The following SCFD2 variants were observed in gnomAD, a reference collection of about 807,000 sequenced individuals.
SCFD2 encodes the protein sec1 family domain-containing protein 2.
SCFD2 carries 54 observed loss-of-function variants against 58.9 expected under a neutral mutation model. That is an observed-to-expected ratio of 0.92 (90% CI 0.74 to 1.15). The LOEUF (loss-of-function observed/expected upper bound fraction) is 1.15. Ranked by LOEUF, SCFD2 falls within the 50% of genes most tolerant of loss-of-function variation. The pLI is 0.00. For synonymous variants in SCFD2, 321 were observed against 335.9 expected, an observed-to-expected ratio of 0.96 and a Z score of 0.49; for missense variants, 805 against 836.6, an observed-to-expected ratio of 0.96 and a Z score of 0.47.
intron 5 of SCFD2, among the ~76,000 whole-genome samples, chr4:52,961,570 C>G (rs926402438): frequency 6.6e-6 from 1 of 152,144 alleles, no homozygotes; most frequent in Non-Finnish European, 1.5e-5. Context: ...AACCAGCCTC[C>G]CTGGTTGATG....
In SCFD2 at chr4:53,043,262, C is replaced by G. The variant is rs1466229073; in HGVS notation, c.1561+102071G>C. On this transcript the variant is annotated intron_variant, in intron 5 of 8. Coordinates refer to ENST00000401642, the MANE Select transcript of SCFD2 (RefSeq NM_152540.4). ...AATCTGATGAAGCCCACGTCAGTGACAAGTGAAAGAAAAGGGATGGCATTG... is the reference window on the plus strand; with the variant it reads ...AATCTGATGAAGCCCACGTCAGTGAGAAGTGAAAGAAAAGGGATGGCATTG... 7.2e-5 allele frequency among the ~76,000 whole-genome samples: 11 copies of G among 151,956 alleles called. No homozygotes were observed. In the East Asian group the frequency reaches 2.1e-3, roughly 29 times the overall value.
intron 4 of SCFD2, among the ~76,000 whole-genome samples, chr4:53,191,987 T>C (rs552367844): frequency 6.6e-6 from 1 of 152,286 alleles, no homozygotes; most frequent in Admixed American, 6.5e-5. Flanking sequence ...AACAGTAATA[T>C]TAACATTTAA....
chr4:52,926,339 C>A (rs568805353), intron 5 of SCFD2, among the ~76,000 whole-genome samples: 3 of 152,084 alleles, frequency 2.0e-5, no homozygotes, highest in African/African-American at 7.2e-5. Context: ...AGTCTGGATT[C>A]GAGCTGAAGT....
At chr4:53,189,787 T>C (rs1727841558) in intron 4 of SCFD2, among the ~76,000 whole-genome samples, 1 of 152,190 alleles carries the variant, frequency 6.6e-6, no homozygotes, top group Non-Finnish European at 1.5e-5. Context: ...GGTTACTCTA[T>C]GCTACCTCCA....
chr4:52,927,904 T>G (rs756666469), intron 5 of SCFD2, among the ~76,000 whole-genome samples: 6 of 152,248 alleles, frequency 3.9e-5, no homozygotes, highest in Non-Finnish European at 8.8e-5. Flanking sequence ...ATTTATTAGA[T>G]GTATTACTAT....
At chr4:53,059,655 C>G (rs1323915311) in intron 5 of SCFD2, among the ~76,000 whole-genome samples, 1 of 151,610 alleles carries the variant, frequency 6.6e-6, no homozygotes, top group Admixed American at 6.6e-5. Flanking sequence ...AGGTAATCTG[C>G]ATTCCTCTTC....
At chr4:53,231,482 A>C (rs992106452) in intron 4 of SCFD2, among the ~76,000 whole-genome samples, 4 of 152,172 alleles carry the variant, frequency 2.6e-5, no homozygotes, top group African/African-American at 9.7e-5. Flanking sequence ...CAAAAGCAAA[A>C]TGTCTTCACT....
At chr4:53,167,104 C>G (rs1256410931) in intron 4 of SCFD2, among the ~76,000 whole-genome samples, 1 of 152,150 alleles carries the variant, frequency 6.6e-6, no homozygotes, top group Non-Finnish European at 1.5e-5. Flanking sequence ...CTCATCTCCC[C>G]CTTTCTTTAC....
intron 4 of SCFD2, among the ~76,000 whole-genome samples, chr4:53,201,390 T>C (rs534012076): frequency 6.6e-6 from 1 of 152,218 alleles, no homozygotes; most frequent in Non-Finnish European, 1.5e-5. Context: ...TTCCATGGTG[T>C]ATATGTGCCA....
chr4:53,194,071 C>A (rs1346277143), intron 4 of SCFD2, among the ~76,000 whole-genome samples: 3 of 152,162 alleles, frequency 2.0e-5, no homozygotes, highest in Admixed American at 1.3e-4. Flanking sequence ...TAGAATTTAG[C>A]TTGCTTGCAT....
At chr4:53,214,874 T>C (rs1432390603) in intron 4 of SCFD2, among the ~76,000 whole-genome samples, 2 of 152,200 alleles carry the variant, frequency 1.3e-5, no homozygotes, top group Non-Finnish European at 2.9e-5. Context: ...TACATATGGC[T>C]AGCCAGTTTT....
At position 53,365,451 on chromosome 4, in the gene SCFD2, G is replaced by C. The variant is rs1386581722; in HGVS notation, c.491C>G (p.Ala164Gly). ...AGCTGGAGTCAAGGCAAAGTGGGGA[G>C]CAACAGGGGCAAGCAATAACGGGAC... ...FHVPLLLAPV[A>G]PHFALTPAFA... Residue 164 changes from alanine to glycine, a missense_variant, in exon 1 of 9, where the codon GCT (alanine) becomes GGT (glycine). By Grantham distance (60) the Ala-to-Gly change is moderately conservative (BLOSUM62 0). Transcript: ENST00000401642. The surrounding 1 kb of genome is among the most constrained non-coding windows in gnomAD (Gnocchi z 4.3). 1.1e-5 allele frequency: 17 copies of C among 1,614,086 alleles called. No individual in the cohort carries two copies. The highest frequency in any genetic ancestry group is 1.3e-5 in the Non-Finnish European group (15 of 1,180,046).
intron 7 of SCFD2, among the ~76,000 whole-genome samples, chr4:52,897,707 C>T (rs7654682): frequency 0.23 from 35,217 of 152,006 alleles, 5,969 homozygotes; most frequent in African/African-American, 0.48. Flanking sequence ...TTTCTATTGA[C>T]TGGAATAGTT....
intron 4 of SCFD2, among the ~76,000 whole-genome samples, chr4:53,184,046 C>A (rs1398648406): frequency 6.6e-6 from 1 of 152,096 alleles, no homozygotes. Flanking sequence ...GATAACGTAA[C>A]CTACTCCTAG....
chr4:53,144,390 TATATACATATAC>T (rs1726259055), intron 5 of SCFD2, among the ~76,000 whole-genome samples: 1 of 150,126 alleles, frequency 6.7e-6, no homozygotes, highest in African/African-American at 2.4e-5. Context: ...TGCATGTGTA[TATATACATATAC>T]ATGTATATAT....
At chr4:53,199,352 G>C (rs1227919718) in intron 4 of SCFD2, among the ~76,000 whole-genome samples, 1 of 152,010 alleles carries the variant, frequency 6.6e-6, no homozygotes, top group Non-Finnish European at 1.5e-5. Flanking sequence ...CGAATGAGAG[G>C]GGAGATGATT....
intron 2 of SCFD2, among the ~76,000 whole-genome samples, chr4:53,328,694 T>C (rs1733302568): frequency 6.6e-6 from 1 of 152,174 alleles, no homozygotes; most frequent in African/African-American, 2.4e-5. Flanking sequence ...AAATCACTAT[T>C]ATCAGCCATC....
rs1210611037 is a variant in SCFD2, at chr4:53,258,551, T to C, written c.1311+15275A>G. 8.5e-4 allele frequency among the ~76,000 whole-genome samples: 28 copies of C among 32,762 alleles called. No individual in the cohort carries two copies. The South Asian group carries it at 0.017, about 20-fold the overall frequency. 21.5% of individuals were successfully genotyped at this position (32,762 alleles called of 152,430 possible). ...CATGGTGTGTGTGTATATATATATATATATATATATATATATATATATATA... is the reference window on the plus strand; with the variant it reads ...CATGGTGTGTGTGTATATATATATACATATATATATATATATATATATATA... On this transcript the variant is annotated intron_variant, in intron 4 of 8. Coordinates refer to ENST00000401642, the MANE Select transcript of SCFD2 (RefSeq NM_152540.4).
chr4:52,963,058 G>A (rs888627475), intron 5 of SCFD2, among the ~76,000 whole-genome samples: 5 of 152,006 alleles, frequency 3.3e-5, no homozygotes, highest in Admixed American at 2.0e-4. Flanking sequence ...CTCCCCCAGC[G>A]CAACACACAT....
Sources: allele counts gnomAD v4.1 joint callset (sites outside exome capture counted in the v4.1 genomes callset), GRCh38; gene constraint gnomAD v4.1.1; non-coding constraint Gnocchi (gnomAD v3.1); transcripts MANE v1.5; gene names NCBI Gene and HGNC (gene_info 2026-07-23, HGNC 2026-07-21).